PLXDC2: variants seen among roughly 807,000 people sequenced by gnomAD.
PLXDC2 encodes plexin domain-containing protein 2.
PLXDC2 carries 40 observed loss-of-function variants against 68.9 expected under a neutral mutation model. The observed-to-expected ratio is 0.58, with a 90% CI of 0.45 to 0.76. PLXDC2 has a LOEUF of 0.76. Ranked by LOEUF, PLXDC2 falls within the 30% of genes least tolerant of loss-of-function variation. The pLI is 0.00. For synonymous variants in PLXDC2, 243 were observed against 234.2 expected, an observed-to-expected ratio of 1.04 and a Z score of -0.34; for missense variants, 644 against 661.9, an observed-to-expected ratio of 0.97 and a Z score of 0.30.
chr10:19,845,071 G>A (rs1470239885), intron 1 of PLXDC2, among the ~76,000 whole-genome samples: 1 of 152,162 alleles, frequency 6.6e-6, no homozygotes, highest in East Asian at 1.9e-4. Flanking sequence ...TTAGCAGGCT[G>A]TCTGCTTCCA....
At chr10:20,155,451 T>C (rs1834204803) in intron 6 of PLXDC2, among the ~76,000 whole-genome samples, 1 of 152,110 alleles carries the variant, frequency 6.6e-6, no homozygotes, top group Non-Finnish European at 1.5e-5. Context: ...ATTTGATAAA[T>C]GTGTGAGCAG....
intron 1 of PLXDC2, among the ~76,000 whole-genome samples, chr10:19,837,162 T>G (rs1043888045): frequency 2.0e-5 from 3 of 151,972 alleles, no homozygotes; most frequent in African/African-American, 7.3e-5. Context: ...AAGGGCTGAT[T>G]GTAATCACCT....
At chr10:19,903,591 T>A (rs1371187396) in intron 1 of PLXDC2, among the ~76,000 whole-genome samples, 1 of 151,974 alleles carries the variant, frequency 6.6e-6, no homozygotes, top group Non-Finnish European at 1.5e-5. Flanking sequence ...TTGCTAATGG[T>A]CTATCAATTT....
At chr10:20,020,417 C>T (rs1404881761) in intron 2 of PLXDC2, among the ~76,000 whole-genome samples, 1 of 152,098 alleles carries the variant, frequency 6.6e-6, no homozygotes, top group East Asian at 1.9e-4. Flanking sequence ...AACTTGTGAT[C>T]ATTTATCTCC....
chr10:20,154,769 C>T (rs762490372), intron 6 of PLXDC2, among the ~76,000 whole-genome samples: 21 of 151,900 alleles, frequency 1.4e-4, no homozygotes, highest in Admixed American at 2.6e-4. Flanking sequence ...TTTTTTGTGT[C>T]AACTGCAAAC....
In PLXDC2 at chr10:20,281,338, A is replaced by G. The variant is rs1836079478; in HGVS notation, c.*1519A>G. The stretch of plus-strand genomic sequence containing the variant: ...AAGTTTAAATTCAGGTACTGAGTGT[A>G]CAATTTCACCAACATTCTAACCCAT... On this transcript the variant is annotated 3_prime_UTR_variant, in exon 14 of 14. Coordinates refer to ENST00000377252, the MANE Select transcript of PLXDC2 (RefSeq NM_032812.9). 1.3e-5 allele frequency: 2 copies of G among 152,182 alleles called. No individual in the cohort carries two copies. The highest frequency in any genetic ancestry group is 6.6e-5 in the Admixed American group (1 of 15,260). The allele number at this position is 152,182 out of a possible 1,614,324, so 9.4% of individuals were successfully genotyped here.
chr10:19,842,926 A>G (rs191016582), intron 1 of PLXDC2, among the ~76,000 whole-genome samples: 60 of 152,320 alleles, frequency 3.9e-4, no homozygotes, highest in African/African-American at 1.4e-3. Context: ...AGTAACTAAA[A>G]AAAGCAGTGC....
At chr10:19,849,292 A>G (rs1206834270) in intron 1 of PLXDC2, among the ~76,000 whole-genome samples, 1 of 147,340 alleles carries the variant, frequency 6.8e-6, no homozygotes, top group Non-Finnish European at 1.5e-5. Flanking sequence ...CTGTATATGT[A>G]GACAAGTATT....
chr10:20,058,076 A>T (rs1836030958), intron 3 of PLXDC2, among the ~76,000 whole-genome samples: 2 of 152,192 alleles, frequency 1.3e-5, no homozygotes, highest in African/African-American at 4.8e-5. Context: ...AATTTCAAAC[A>T]GCAATTGAAT....
chr10:20,082,064 C>CAAA (rs1252447303), intron 4 of PLXDC2, among the ~76,000 whole-genome samples: 4,928 of 69,790 alleles, frequency 0.071, 1,282 homozygotes, highest in East Asian at 0.32. Flanking sequence ...AAAAAAAAAT[C>CAAA]AAAAAAAAAA....
At chr10:19,846,621 C>G (rs142423749) in intron 1 of PLXDC2, among the ~76,000 whole-genome samples, 1 of 152,086 alleles carries the variant, frequency 6.6e-6, no homozygotes, top group Admixed American at 6.6e-5. Context: ...CTTACTTTAC[C>G]TCACCAAACT....
chr10:20,172,801 A>C (rs1164641097), intron 7 of PLXDC2, among the ~76,000 whole-genome samples: 1 of 152,176 alleles, frequency 6.6e-6, no homozygotes, highest in Non-Finnish European at 1.5e-5. Context: ...TTTAAGTTTT[A>C]CCAGTGTCCT....
intron 2 of PLXDC2, among the ~76,000 whole-genome samples, chr10:20,025,970 A>AGAT (rs1327190534): frequency 6.6e-6 from 1 of 152,126 alleles, no homozygotes; most frequent in African/African-American, 2.4e-5. Flanking sequence ...AGAACTACGT[A>AGAT]GATAAACTCA....
At position 19,894,759 on chromosome 10, in the gene PLXDC2, T is replaced by G. The variant is rs191824702; in HGVS notation, c.112+77568T>G. ...CATCTCACGCCAGTTAGAATGGAGA[T>G]CATTAAAAAGTCAGGAAACAGATGA... On this transcript the variant is annotated intron_variant, in intron 1 of 13. Coordinates refer to ENST00000377252, the MANE Select transcript of PLXDC2 (RefSeq NM_032812.9). Among the ~76,000 whole-genome samples the G allele has an allele frequency of 1.3e-3, 195 of 152,138 alleles. 1 individual carries two copies. The highest frequency in any genetic ancestry group is 4.1e-3 in the African/African-American group (170 of 41,506).
At chr10:19,983,345 GA>G (rs751584992) in intron 1 of PLXDC2, among the ~76,000 whole-genome samples, 1 of 152,148 alleles carries the variant, frequency 6.6e-6, no homozygotes, top group African/African-American at 2.4e-5. Context: ...AGAAAGGAAA[GA>G]AACACTTTTC....
chr10:20,134,106 T>C (rs1833903124), intron 4 of PLXDC2, among the ~76,000 whole-genome samples: 1 of 152,204 alleles, frequency 6.6e-6, no homozygotes, highest in African/African-American at 2.4e-5. Context: ...GTTTTATTCA[T>C]GTATTGCTTT....
chr10:20,197,629 T>C (rs1217689258), intron 9 of PLXDC2, among the ~76,000 whole-genome samples: 1 of 152,134 alleles, frequency 6.6e-6, no homozygotes, highest in Non-Finnish European at 1.5e-5. Flanking sequence ...GTGCTGGGAT[T>C]AGAGGCATAA....
intron 6 of PLXDC2, among the ~76,000 whole-genome samples, chr10:20,158,501 C>CAAAAAAAAAAAAAAAAAAAAAAAAA (rs59079629): frequency 2.5e-5 from 3 of 118,774 alleles, no homozygotes; most frequent in Non-Finnish European, 3.5e-5. Context: ...TCTGTCTCTG[C>CAAAAAAAAAAAAAAAAAAAAAAAAA]AAAAAAAAAA....
intron 1 of PLXDC2, among the ~76,000 whole-genome samples, chr10:19,822,932 T>C (rs1006771932): frequency 1.3e-5 from 2 of 152,204 alleles, no homozygotes; most frequent in Non-Finnish European, 2.9e-5. Context: ...CTTTTTTTTT[T>C]TGAGACAGAG....
Sources: allele counts gnomAD v4.1 joint callset (sites outside exome capture counted in the v4.1 genomes callset), GRCh38; gene constraint gnomAD v4.1.1; transcripts MANE v1.5; gene names NCBI Gene and HGNC (gene_info 2026-07-23, HGNC 2026-07-21).